The following WDR35 variants were observed in gnomAD, a reference collection of about 807,000 sequenced individuals.
WDR35 encodes the protein WD repeat-containing protein 35.
Under a neutral mutation model 158.3 loss-of-function variants are expected in WDR35, and 118 were observed. That is an observed-to-expected ratio of 0.75 (90% CI 0.64 to 0.87). WDR35 has a LOEUF of 0.87. Among genes scored for constraint, WDR35 ranks in the 40% least tolerant of loss-of-function variants. WDR35 has a pLI of 0.00. For synonymous variants in WDR35, 448 were observed against 476.1 expected (o/e 0.94, Z 0.77); for missense variants, 1,263 against 1,405.8 (o/e 0.90, Z 1.62).
intron 5 of WDR35, among the ~76,000 whole-genome samples, chr2:19,978,532 A>T (rs1672281260): frequency 6.6e-6 from 1 of 152,218 alleles, no homozygotes; most frequent in Non-Finnish European, 1.5e-5. Flanking sequence ...TTTCAATGCC[A>T]CTGTAGGAAA....
rs1326953918 is a variant in WDR35, at chr2:19,973,567, C to T, written c.878G>A (p.Gly293Asp). 2 of 1,614,156 alleles carry T rather than the reference C, an allele frequency of 1.2e-6. No homozygotes were observed. The highest frequency in any genetic ancestry group is 1.6e-4 in the Middle Eastern group (1 of 6,062). ...GATCAATTTGAATGCATTTACCTCACCAAACGGAGTGTAAAACTGCACAAT... is the reference window on the plus strand; with the variant it reads ...GATCAATTTGAATGCATTTACCTCATCAAACGGAGTGTAAAACTGCACAAT... ...VNIVQFYTPFGEHLGTLKVPG... is the reference protein window; with the variant it reads ...VNIVQFYTPFDEHLGTLKVPG... The change falls in exon 8 of 27, where the codon GGT (glycine) becomes GAT (aspartate). Residue 293 changes from glycine (G) to aspartate (D), a missense_variant. Transcript: ENST00000281405.
chr2:19,945,937 A>T lies in WDR35; in HGVS notation c.1694T>A (p.Val565Glu). 6.2e-7 allele frequency: 1 copy of T among 1,613,944 alleles called. No individual in the cohort carries two copies. Residue 565 changes from valine to glutamate, a missense_variant, in exon 16 of 27, where the codon GTA becomes GAA. By Grantham distance (121) the Val-to-Glu change is moderately radical. Coordinates refer to ENST00000281405, the MANE Select transcript of WDR35 (RefSeq NM_020779.4). The part of the protein sequence containing the change: ...VLTFFDLDAR[V>E]TDSTGQQVVG... ...TACTTGCTGTCCCGTACTGTCCGTTACTCGAGCATCCAAGTCAAAGAAAGT... is the reference window on the plus strand; with the variant it reads ...TACTTGCTGTCCCGTACTGTCCGTTTCTCGAGCATCCAAGTCAAAGAAAGT...
Position 19,935,680 on chromosome 2 carries a change from T to A in WDR35, c.2415-77A>T, listed in dbSNP as rs892860306. The A allele has an allele frequency of 2.6e-6, 4 of 1,522,358 alleles. No homozygotes were observed. In the East Asian group the frequency reaches 9.1e-5, roughly 35 times the overall value. 94.3% of individuals were successfully genotyped at this position (1,522,358 alleles called of 1,614,324 possible). A position where few individuals can be genotyped will look rare whatever the true frequency, so the allele number is the denominator to read the frequency against. On this transcript the variant is annotated intron_variant, in intron 20 of 26. Transcript: ENST00000281405. Reference sequence around the variant, plus strand: ...AAATAAGCACTTTCAACCAAAATGTTCCTTCATCATAATTCCCAGTACTAG... The same window carrying A: ...AAATAAGCACTTTCAACCAAAATGTACCTTCATCATAATTCCCAGTACTAG...
chr2:19,945,731 T>A, intron 16 of WDR35, 55 bp downstream of exon 16: 1 of 1,599,496 alleles, frequency 6.3e-7, no homozygotes, highest in Non-Finnish European at 8.6e-7. Context: ...ATCATCCAGG[T>A]TTTTATATTT....
chr2:19,974,675 C>T (rs765858242), intron 6 of WDR35, 42 bp from the exon 7 acceptor site: 5 of 1,567,792 alleles, frequency 3.2e-6, no homozygotes, highest in East Asian at 2.3e-5. Flanking sequence ...CATTTTAAAA[C>T]ACAGCAGTAT....
At chr2:19,931,613 T>C (rs751487307) in intron 23 of WDR35, among the ~76,000 whole-genome samples, 4 of 152,174 alleles carry the variant, frequency 2.6e-5, no homozygotes, top group Non-Finnish European at 5.9e-5. Flanking sequence ...CTTTCCTTAG[T>C]ATTTAGCCCT....
intron 25 of WDR35, among the ~76,000 whole-genome samples, chr2:19,917,023 C>T (rs1670010825): frequency 1.3e-5 from 2 of 152,212 alleles, no homozygotes; most frequent in South Asian, 4.1e-4. Flanking sequence ...GCAGGTGCCC[C>T]TCTGGGACAA....
intron 5 of WDR35, among the ~76,000 whole-genome samples, chr2:19,978,545 A>C (rs1558358592): frequency 6.6e-6 from 1 of 152,230 alleles, no homozygotes; most frequent in Non-Finnish European, 1.5e-5. Flanking sequence ...GTAGGAAATA[A>C]AAAAATTTCC....
rs541959561 is a variant in WDR35, at chr2:19,973,623, C to T, written c.822G>A (p.Gln274=). The T allele has an allele frequency of 5.6e-6, 9 of 1,614,228 alleles. No homozygotes were observed. The African/African-American group carries it at 1.1e-4, about 19-fold the overall frequency. Residue 274 remains glutamine, a synonymous_variant, in exon 8 of 27, where the codon CAG becomes CAA. Transcript: ENST00000281405. ...CATCTTTGTCCTGCATGGCTGCCTT[C>T]TGGAAGCCTGCCACAGCTAACACGC... ...MGSVLAVAGF[Q]KAAMQDKDVN...
At position 19,914,040 on chromosome 2, in the gene WDR35, T is replaced by TC. The variant is rs1287730437; in HGVS notation, c.3358dup (p.Glu1120GlyfsTer19). On this transcript the variant is annotated frameshift_variant, in exon 26 of 27. Transcript: ENST00000281405. LOFTEE classifies it high-confidence loss of function. The stretch of plus-strand genomic sequence containing the variant: ...CCACTAATTAAAATTAGCCTACCCT[T>TC]CCATAAGGCTGTCCAATTCAGGTTT... The TC allele has an allele frequency of 6.2e-7, 1 of 1,614,074 alleles. No individual in the cohort carries two copies. The highest frequency in any genetic ancestry group is 1.1e-5 in the South Asian group (1 of 91,054).
chr2:19,953,427 T>C (rs1671313550), intron 12 of WDR35, among the ~76,000 whole-genome samples: 2 of 152,286 alleles, frequency 1.3e-5, no homozygotes, highest in East Asian at 1.9e-4. Flanking sequence ...AAGGCCTGCC[T>C]CTCCTCTGGT....
intron 10 of WDR35, among the ~76,000 whole-genome samples, chr2:19,966,227 TTTAAG>T (rs1049462027): frequency 6.6e-6 from 1 of 152,178 alleles, no homozygotes; most frequent in Non-Finnish European, 1.5e-5. Flanking sequence ...TCTGCAAATA[TTTAAG>T]TTGTTAGTAT....
chr2:19,923,541 G>T (rs547569290), intron 25 of WDR35, among the ~76,000 whole-genome samples: 3 of 152,150 alleles, frequency 2.0e-5, no homozygotes, highest in Non-Finnish European at 4.4e-5. Context: ...AAGCTAAAGC[G>T]GTAAAGGAGA....
chr2:19,986,050 G>A (rs1285178345), intron 2 of WDR35, among the ~76,000 whole-genome samples: 2 of 152,116 alleles, frequency 1.3e-5, no homozygotes, highest in East Asian at 3.8e-4. Context: ...GAGGGAGCAG[G>A]GGAGACAAAG....
intron 5 of WDR35, among the ~76,000 whole-genome samples, chr2:19,977,968 G>A (rs1043968732): frequency 6.6e-6 from 1 of 152,162 alleles, no homozygotes; most frequent in African/African-American, 2.4e-5. Context: ...CCTCCAGGAA[G>A]CCTTTCCTGA....
At chr2:19,987,768 G>A (rs2103471908) in intron 2 of WDR35, among the ~76,000 whole-genome samples, 1 of 142,108 alleles carries the variant, frequency 7.0e-6, no homozygotes, top group Admixed American at 7.5e-5. Flanking sequence ...AGCTTGCAAT[G>A]AGCCGAGATC....
intron 16 of WDR35, among the ~76,000 whole-genome samples, chr2:19,942,249 T>A (rs1262607193): frequency 1.3e-5 from 2 of 152,158 alleles, no homozygotes; most frequent in African/African-American, 2.4e-5. Flanking sequence ...TTCATGCAAT[T>A]CAATATTAAA....
intron 25 of WDR35, among the ~76,000 whole-genome samples, chr2:19,921,850 C>A (rs191322353): frequency 0.028 from 4,306 of 152,232 alleles, 88 homozygotes; most frequent in Middle Eastern, 0.058. Context: ...CCAGAATCTA[C>A]AAAGAACTTA....
intron 2 of WDR35, among the ~76,000 whole-genome samples, chr2:19,988,957 A>C (rs1229762735): frequency 6.6e-6 from 1 of 152,234 alleles, no homozygotes; most frequent in African/African-American, 2.4e-5. Flanking sequence ...TTTTCCATTA[A>C]TAACTCAGCA....
Sources: gnomAD v4.1 joint callset for allele counts (sites outside exome capture counted in the v4.1 genomes callset) on GRCh38, gnomAD v4.1.1 for gene constraint, MANE v1.5 for transcripts, NCBI Gene and HGNC (gene_info 2026-07-23, HGNC 2026-07-21) for gene names.